DCT: variants seen among roughly 807,000 people sequenced by gnomAD.
DCT encodes the protein L-dopachrome tautomerase.
In DCT, 47 loss-of-function variants were observed where a neutral mutation model predicts 53.0. The ratio of observed to expected loss-of-function variants is 0.89; its 90% CI spans 0.70 to 1.13. The LOEUF (loss-of-function observed/expected upper bound fraction) is 1.13, where lower values mean the gene tolerates loss of function less well. Among genes scored for constraint, DCT ranks in the 50% most tolerant of loss-of-function variants. The pLI, the probability that DCT is intolerant of heterozygous loss-of-function variation, is 0.00. For missense variants in DCT, 669 were observed against 637.4 expected (o/e 1.05, Z -0.53); for synonymous variants, 244 against 237.0 (o/e 1.03, Z -0.27).
At chr13:94,521,684 C>T in the DCT span, among the ~76,000 whole-genome samples, 1 of 136,564 alleles carries the variant, frequency 7.3e-6, no homozygotes, top group African/African-American at 2.6e-5. Context: ...AAAAACAAAA[C>T]AAAAACAAAC....
At chr13:94,533,306 C>A in the DCT span, among the ~76,000 whole-genome samples, 6 of 151,802 alleles carry the variant, frequency 4.0e-5, no homozygotes, top group Non-Finnish European at 5.9e-5. Context: ...CCATGCAATT[C>A]TTTTTGTCCA....
chr13:94,455,472 G>A (rs1883354264), intron 6 of DCT, among the ~76,000 whole-genome samples: 2 of 151,694 alleles, frequency 1.3e-5, no homozygotes, highest in South Asian at 4.2e-4. Context: ...TTACACCACA[G>A]GTTGATAAAT....
At chr13:94,503,796 T>C in the DCT span, among the ~76,000 whole-genome samples, 3 of 152,242 alleles carry the variant, frequency 2.0e-5, no homozygotes, top group South Asian at 6.2e-4. Context: ...ACTCAATTTA[T>C]GGTAATTTGT....
the DCT span, among the ~76,000 whole-genome samples, chr13:94,517,041 A>C: frequency 6.6e-6 from 1 of 152,198 alleles, no homozygotes; most frequent in Admixed American, 6.5e-5. Context: ...ATGCACCTCA[A>C]GGCATACTAA....
chr13:94,456,276 C>T (rs1883408854), intron 6 of DCT, among the ~76,000 whole-genome samples: 1 of 152,156 alleles, frequency 6.6e-6, no homozygotes, highest in Non-Finnish European at 1.5e-5. Context: ...CTCAGGATTT[C>T]TTGAAGCTCA....
chr13:94,452,039 CT>C (rs56812045), intron 6 of DCT, among the ~76,000 whole-genome samples: 7 of 148,642 alleles, frequency 4.7e-5, no homozygotes, highest in East Asian at 2.0e-4. Flanking sequence ...CTGGACTTCA[CT>C]TTTTTTTTTG....
chr13:94,529,694 A>T, the DCT span, among the ~76,000 whole-genome samples: 1 of 152,224 alleles, frequency 6.6e-6, no homozygotes, highest in Non-Finnish European at 1.5e-5. Context: ...AGCAGGAAAT[A>T]TCTCAAATCA....
chr13:94,515,856 A>G, the DCT span, among the ~76,000 whole-genome samples: 1 of 152,196 alleles, frequency 6.6e-6, no homozygotes, highest in Non-Finnish European at 1.5e-5. Context: ...TCTCCAAGGA[A>G]GGTGTTTGAT....
intron 6 of DCT, among the ~76,000 whole-genome samples, chr13:94,447,542 T>C (rs1407244813): frequency 6.6e-6 from 1 of 152,236 alleles, no homozygotes; most frequent in Non-Finnish European, 1.5e-5. Context: ...TGGGGACCCC[T>C]GCTTTACACC....
chr13:94,468,854 A>C lies in DCT; in HGVS notation c.487T>G (p.Trp163Gly). Reference sequence around the variant, plus strand: ...CCATTGGGCCCAAGCAGGCCCAGCCAGTGTTGTGTGGTGATCACGTAGTCG... The same window carrying C: ...CCATTGGGCCCAAGCAGGCCCAGCCCGTGTTGTGTGGTGATCACGTAGTCG... ...HPDYVITTQH[W>G]LGLLGPNGTQ... The change falls in exon 2 of 8, where the codon TGG becomes GGG. Residue 163 changes from tryptophan (W) to glycine (G), a missense_variant. Transcript: ENST00000377028. The C allele has an allele frequency of 6.2e-7, 1 of 1,614,194 alleles. No homozygotes were observed. The highest frequency in any genetic ancestry group is 8.5e-7 in the Non-Finnish European group (1 of 1,180,028).
chr13:94,509,985 A>G, the DCT span, among the ~76,000 whole-genome samples: 1 of 152,140 alleles, frequency 6.6e-6, no homozygotes, highest in African/African-American at 2.4e-5. Context: ...GACACCTACC[A>G]CACTATTGCT....
upstream of DCT, among the ~76,000 whole-genome samples, chr13:94,484,597 G>A (rs1157079639): frequency 2.6e-5 from 4 of 152,170 alleles, no homozygotes. Flanking sequence ...CAAGGCATGG[G>A]CAGGGTTGGA....
chr13:94,481,084 C>T (rs768690564), upstream of DCT, among the ~76,000 whole-genome samples: 1 of 152,200 alleles, frequency 6.6e-6, no homozygotes, highest in Non-Finnish European at 1.5e-5. Flanking sequence ...TGGCTTGAAA[C>T]CGCAGCTCCA....
rs546959739 is a variant in DCT, at chr13:94,438,937, A to G, written c.*961T>C. 5 of 217,706 alleles carry G rather than the reference A, an allele frequency of 2.3e-5. No homozygotes were observed. Among genetic ancestry groups the G allele is most frequent in the Non-Finnish European group, 2.8e-5 (3 of 107,380 alleles). The allele number at this position is 217,706 out of a possible 1,614,324, so 13.5% of individuals were successfully genotyped here. ...TGGGAATAATTTTTCATCTGAGGCT[A>G]CCTAGTAAAGAAATTGGTAGAGGAT... On this transcript the variant is annotated 3_prime_UTR_variant, in exon 8 of 8. Transcript: ENST00000377028.
intron 6 of DCT, among the ~76,000 whole-genome samples, chr13:94,444,007 A>C (rs1295485502): frequency 6.6e-6 from 1 of 152,226 alleles, no homozygotes; most frequent in African/African-American, 2.4e-5. Flanking sequence ...TTAATTATGA[A>C]ATTCAGAAAA....
chr13:94,523,853 C>G, the DCT span, among the ~76,000 whole-genome samples: 1 of 152,052 alleles, frequency 6.6e-6, no homozygotes, highest in South Asian at 2.1e-4. Context: ...AAGAAATTAC[C>G]TAAAATTCTG....
chr13:94,512,882 G>T, the DCT span, among the ~76,000 whole-genome samples: 1 of 152,218 alleles, frequency 6.6e-6, no homozygotes, highest in South Asian at 2.1e-4. Context: ...GATTAGTGTG[G>T]ATCATTGTAG....
the DCT span, among the ~76,000 whole-genome samples, chr13:94,518,067 G>A: frequency 7.2e-6 from 1 of 138,206 alleles, no homozygotes; most frequent in African/African-American, 2.8e-5. Flanking sequence ...ATAAAGAAAA[G>A]AAAAGAAAAG....
the DCT span, among the ~76,000 whole-genome samples, chr13:94,536,887 T>G: frequency 3.9e-5 from 6 of 152,126 alleles, no homozygotes; most frequent in Non-Finnish European, 7.4e-5. Context: ...GAGGTTGCAG[T>G]GAGCCAAGAT....
Sources: allele counts gnomAD v4.1 joint callset (sites outside exome capture counted in the v4.1 genomes callset), GRCh38; gene constraint gnomAD v4.1.1; transcripts MANE v1.5; gene names NCBI Gene and HGNC (gene_info 2026-07-23, HGNC 2026-07-21).